SPEF2: variants seen among roughly 807,000 people sequenced by gnomAD.
SPEF2 encodes the protein sperm flagella and cilia-associated protein 2.
In SPEF2, 187 loss-of-function variants were observed where a neutral mutation model predicts 224.6. The ratio of observed to expected loss-of-function variants is 0.83; its 90% CI spans 0.74 to 0.94. The LOEUF is 0.94. Ranked by LOEUF, SPEF2 falls within the 40% of genes least tolerant of loss-of-function variation. The probability of loss-of-function intolerance (pLI) is 0.00; values close to 1 mark genes in which losing one functional copy is unlikely to be tolerated. For missense variants in SPEF2, 2,170 were observed against 2,135.6 expected (o/e 1.02, Z -0.32); for synonymous variants, 715 against 707.3 (o/e 1.01, Z -0.17).
intron 25 of SPEF2, among the ~76,000 whole-genome samples, chr5:35,760,924 A>G (rs903483508): frequency 5.9e-5 from 9 of 152,234 alleles, no homozygotes; most frequent in African/African-American, 2.2e-4. Flanking sequence ...AAGTATAGTG[A>G]AGAATTAAAA....
At chr5:35,650,893 T>C (rs2149427985) in intron 6 of SPEF2, among the ~76,000 whole-genome samples, 1 of 152,240 alleles carries the variant, frequency 6.6e-6, no homozygotes, top group East Asian at 1.9e-4. Flanking sequence ...TCTCATGTAA[T>C]AGAAATCAGA....
At chr5:35,706,624 G>A (rs1021908126) in intron 18 of SPEF2, among the ~76,000 whole-genome samples, 2 of 152,016 alleles carry the variant, frequency 1.3e-5, no homozygotes, top group African/African-American at 2.4e-5. Context: ...AGTGTCAAAA[G>A]GATTCTAAAG....
intron 1 of SPEF2, among the ~76,000 whole-genome samples, chr5:35,621,162 A>C (rs1274710970): frequency 6.6e-6 from 1 of 152,232 alleles, no homozygotes; most frequent in East Asian, 1.9e-4. Flanking sequence ...TTTAGTTGAA[A>C]TATCGTAAGC....
rs57893412 is a variant in SPEF2 at position 35,759,005 on chromosome 5, C to CAAAA, written c.3469-544_3469-541dup. 8.8e-3 allele frequency among the ~76,000 whole-genome samples: 448 copies of CAAAA among 51,134 alleles called. 52 individuals are homozygous for CAAAA. Among genetic ancestry groups the CAAAA allele is most frequent in the African/African-American group, 0.032 (361 of 11,312 alleles). 33.5% of individuals were successfully genotyped at this position (51,134 alleles called of 152,430 possible). ...TGGGTGATAGAGCAAGACTCTGTCT[C>CAAAA]AAAAAAAAAAAAAAAAAAAAAAGTA... On this transcript the variant is annotated intron_variant, in intron 24 of 36. Transcript: ENST00000356031.
chr5:35,743,540 G>C (rs188657724), intron 23 of SPEF2, among the ~76,000 whole-genome samples: 74 of 152,164 alleles, frequency 4.9e-4, no homozygotes, highest in African/African-American at 1.8e-3. Flanking sequence ...GTATACAGTA[G>C]AGAAACTTCT....
intron 26 of SPEF2, among the ~76,000 whole-genome samples, chr5:35,767,715 A>G (rs1752274691): frequency 6.6e-6 from 1 of 152,138 alleles, no homozygotes; most frequent in Non-Finnish European, 1.5e-5. Flanking sequence ...CATTAAATTT[A>G]AATGGGCAAA....
intron 2 of SPEF2, among the ~76,000 whole-genome samples, chr5:35,639,647 G>T (rs1476288764): frequency 1.3e-5 from 2 of 149,940 alleles, no homozygotes; most frequent in Admixed American, 6.7e-5. Flanking sequence ...CACAAATAGT[G>T]AAAATTGAGA....
At chr5:35,669,713 T>C (rs1750971067) in intron 9 of SPEF2, among the ~76,000 whole-genome samples, 1 of 152,032 alleles carries the variant, frequency 6.6e-6, no homozygotes, top group Admixed American at 6.6e-5. Flanking sequence ...AACACTTAGG[T>C]TCCTTAATTC....
intron 30 of SPEF2, among the ~76,000 whole-genome samples, chr5:35,787,568 A>G (rs189517966): frequency 2.6e-5 from 4 of 152,308 alleles, no homozygotes; most frequent in Admixed American, 1.3e-4. Context: ...CCGCTCCACC[A>G]CTTACAGGCA....
intron 19 of SPEF2, chr5:35,709,886 C>A: frequency 4.1e-6 from 4 of 985,400 alleles, no homozygotes; most frequent in Non-Finnish European, 4.8e-6. Flanking sequence ...AAATGGCTGA[C>A]TGTGCAGTTA....
intron 16 of SPEF2, among the ~76,000 whole-genome samples, chr5:35,701,070 C>T (rs995105648): frequency 2.0e-5 from 3 of 152,186 alleles, no homozygotes; most frequent in Non-Finnish European, 4.4e-5. Context: ...GGCTGTCTAG[C>T]GTGTTTTCGT....
At chr5:35,647,576 C>T (rs937596229) in intron 5 of SPEF2, among the ~76,000 whole-genome samples, 1 of 152,086 alleles carries the variant, frequency 6.6e-6, no homozygotes, top group South Asian at 2.1e-4. Context: ...CGCCATGACC[C>T]GGACACCTCC....
At chr5:35,694,886 G>A (rs116324723) in intron 13 of SPEF2, among the ~76,000 whole-genome samples, 13 of 152,240 alleles carry the variant, frequency 8.5e-5, no homozygotes, top group African/African-American at 3.1e-4. Context: ...CTTGGGATCT[G>A]GGCTGCAGTC....
intron 20 of SPEF2, among the ~76,000 whole-genome samples, chr5:35,714,578 A>T (rs906020083): frequency 1.5e-4 from 23 of 151,090 alleles, no homozygotes; most frequent in African/African-American, 5.3e-4. Flanking sequence ...TTTACTTTGT[A>T]TTTTTTTTCT....
At chr5:35,647,508 CAG>C (rs1372184495) in intron 5 of SPEF2, among the ~76,000 whole-genome samples, 2 of 152,124 alleles carry the variant, frequency 1.3e-5, no homozygotes, top group Non-Finnish European at 2.9e-5. Flanking sequence ...TGGGAACTAA[CAG>C]AGTAAGAACT....
chr5:35,774,429 G>T (rs917473774), intron 28 of SPEF2, among the ~76,000 whole-genome samples: 1 of 152,074 alleles, frequency 6.6e-6, no homozygotes, highest in Non-Finnish European at 1.5e-5. Flanking sequence ...AATAATTTAG[G>T]TACCTAATTA....
chr5:35,674,736 A>G (rs529207432), intron 10 of SPEF2, among the ~76,000 whole-genome samples: 1 of 152,208 alleles, frequency 6.6e-6, no homozygotes, highest in African/African-American at 2.4e-5. Context: ...ATTACATTCC[A>G]AAGGCCTAGC....
At chr5:35,811,767 CTTTTT>C (rs1203514196) in intron 36 of SPEF2, among the ~76,000 whole-genome samples, 1 of 115,436 alleles carries the variant, frequency 8.7e-6, no homozygotes. Context: ...TTTGCCATTA[CTTTTT>C]TTTTTTTTTT....
intron 24 of SPEF2, among the ~76,000 whole-genome samples, chr5:35,754,350 C>T (rs1750134596): frequency 6.6e-6 from 1 of 152,116 alleles, no homozygotes; most frequent in African/African-American, 2.4e-5. Context: ...CCCAGCTCCG[C>T]CAAGACAAAG....
Sources: gnomAD v4.1 joint callset for allele counts (sites outside exome capture counted in the v4.1 genomes callset) on GRCh38, gnomAD v4.1.1 for gene constraint, MANE v1.5 for transcripts, NCBI Gene and HGNC (gene_info 2026-07-23, HGNC 2026-07-21) for gene names.